The following RMDN2 variants were observed in gnomAD, a reference collection of about 807,000 sequenced individuals.
The protein encoded by RMDN2 is regulator of microtubule dynamics protein 2.
RMDN2 carries 61 observed loss-of-function variants against 52.8 expected under a neutral mutation model. The ratio of observed to expected loss-of-function variants is 1.16; its 90% confidence interval spans 0.94 to 1.43. RMDN2 has a LOEUF of 1.43. RMDN2 is among the 40% of genes most tolerant of loss of function. The pLI is 0.00. For synonymous variants in RMDN2, 180 were observed against 153.1 expected (o/e 1.18, Z -1.30); for missense variants, 592 against 475.3 (o/e 1.25, Z -2.28).
chr2:37,949,818 G>T (rs1367138414), intron 2 of RMDN2: 1 of 153,110 alleles, frequency 6.5e-6, no homozygotes, highest in Non-Finnish European at 1.5e-5. Flanking sequence ...TACCTGTTAT[G>T]GGGACAATAG....
intron 10 of RMDN2, among the ~76,000 whole-genome samples, chr2:38,014,144 AG>A (rs1678404371): frequency 6.6e-6 from 1 of 152,090 alleles, no homozygotes; most frequent in Admixed American, 6.5e-5. Flanking sequence ...CCTGGGAGGC[AG>A]AGGTTGTGGT....
chr2:37,956,048 G>A (rs902236542), intron 2 of RMDN2, among the ~76,000 whole-genome samples: 5 of 152,092 alleles, frequency 3.3e-5, no homozygotes, highest in African/African-American at 1.2e-4. Flanking sequence ...TGATATCAGG[G>A]TAATGCTGAC....
intron 10 of RMDN2, among the ~76,000 whole-genome samples, chr2:38,065,217 T>C: frequency 6.6e-6 from 1 of 152,078 alleles, no homozygotes; most frequent in Non-Finnish European, 1.5e-5. Context: ...AGCAACAGGA[T>C]GAGATATGTA....
intron 2 of RMDN2, among the ~76,000 whole-genome samples, chr2:37,948,175 C>T (rs1410054816): frequency 6.6e-6 from 1 of 152,132 alleles, no homozygotes; most frequent in East Asian, 1.9e-4. Context: ...AGGACATACC[C>T]CGGACCTAGC....
At chr2:37,934,209 A>G (rs936145646) in intron 2 of RMDN2, among the ~76,000 whole-genome samples, 4 of 152,236 alleles carry the variant, frequency 2.6e-5, no homozygotes, top group African/African-American at 9.7e-5. Flanking sequence ...AAAATATCTA[A>G]TTATATCCTT....
chr2:37,952,459 G>T (rs1226600676), intron 2 of RMDN2: 1 of 478,672 alleles, frequency 2.1e-6, no homozygotes, highest in Non-Finnish European at 3.7e-6. Context: ...GCTTAAAGAT[G>T]GGCTAATCTC....
At chr2:38,048,073 G>C (rs971942511) in intron 10 of RMDN2, among the ~76,000 whole-genome samples, 1 of 152,318 alleles carries the variant, frequency 6.6e-6, no homozygotes, top group Admixed American at 6.5e-5. Flanking sequence ...TGAAATCAAA[G>C]TTTCAGATCT....
In RMDN2 at chr2:37,997,073, A is replaced by G. The variant is rs1297703341; in HGVS notation, c.946-343A>G. On this transcript the variant is annotated intron_variant, in intron 7 of 10. Coordinates refer to ENST00000354545, the MANE Select transcript of RMDN2 (RefSeq NM_001170791.3). ...TAGTTACCTCAGAATCCAGAATCAG[A>G]TGAACAAACGGGATCAGCATTATTT... Among the ~76,000 whole-genome samples, 10 of 152,274 alleles carry G rather than the reference A, an allele frequency of 6.6e-5. No individual in the cohort carries two copies. In the East Asian group the frequency reaches 1.9e-3, roughly 29 times the overall value.
intron 2 of RMDN2, among the ~76,000 whole-genome samples, chr2:37,953,889 C>G (rs1039989825): frequency 1.3e-5 from 2 of 151,904 alleles, no homozygotes; most frequent in African/African-American, 4.8e-5. Context: ...TAGTAGCCAT[C>G]CTAATGGGTA....
intron 10 of RMDN2, among the ~76,000 whole-genome samples, chr2:38,056,126 G>C (rs543813882): frequency 1.9e-4 from 29 of 152,276 alleles, no homozygotes; most frequent in Admixed American, 3.9e-4. Flanking sequence ...GAGCACATAG[G>C]ACGGGGCAGC....
At chr2:38,032,333 AT>A (rs1301537338) in intron 10 of RMDN2, among the ~76,000 whole-genome samples, 1 of 152,140 alleles carries the variant, frequency 6.6e-6, no homozygotes, top group East Asian at 1.9e-4. Context: ...ACAATACCAT[AT>A]TAATGGAATC....
At chr2:37,925,676 T>C (rs6544115) in intron 1 of RMDN2, among the ~76,000 whole-genome samples, 51,885 of 152,054 alleles carry the variant, frequency 0.34, 9,432 homozygotes, top group African/African-American at 0.48. Flanking sequence ...CGGAGGTCGC[T>C]GGTATTTCCT....
In RMDN2 at chr2:37,961,096, A is replaced by T. The variant is rs143656456; in HGVS notation, c.453-12944A>T. Among the ~76,000 whole-genome samples, 140 of 152,108 alleles carry T rather than the reference A, an allele frequency of 9.2e-4. 2 individuals carry two copies. In the East Asian group the frequency reaches 0.023, roughly 25 times the overall value. ...TGGGCTTCCCTTTGTTGGTAACCTG[A>T]CCTTTCTCTCTGGCTGCCCTTAACA... On this transcript the variant is annotated intron_variant, in intron 2 of 10. Transcript: ENST00000354545.
At chr2:38,065,869 C>A (rs577771979) in intron 10 of RMDN2, among the ~76,000 whole-genome samples, 1 of 152,300 alleles carries the variant, frequency 6.6e-6, no homozygotes, top group East Asian at 1.9e-4. Context: ...GGGCTTTTCT[C>A]AGAAGAGAGC....
chr2:38,043,699 T>C (rs1681101554), intron 10 of RMDN2, among the ~76,000 whole-genome samples: 1 of 152,130 alleles, frequency 6.6e-6, no homozygotes, highest in South Asian at 2.1e-4. Flanking sequence ...GCAAAATACA[T>C]TTGCAAGTAG....
chr2:37,982,516 C>G (rs915513784), intron 5 of RMDN2, among the ~76,000 whole-genome samples: 1 of 152,194 alleles, frequency 6.6e-6, no homozygotes, highest in African/African-American at 2.4e-5. Flanking sequence ...CTCCCAGTCT[C>G]TTCCTCCCTC....
At chr2:37,976,023 TCTTA>T (rs1672418744) in intron 4 of RMDN2, among the ~76,000 whole-genome samples, 1 of 152,206 alleles carries the variant, frequency 6.6e-6, no homozygotes, top group Non-Finnish European at 1.5e-5. Flanking sequence ...AAGTAACACA[TCTTA>T]CTTCCTGTAA....
chr2:38,008,683 T>A (rs1435127606), intron 10 of RMDN2, among the ~76,000 whole-genome samples: 6 of 152,130 alleles, frequency 3.9e-5, no homozygotes, highest in Non-Finnish European at 8.8e-5. Context: ...GTGTCTTAGT[T>A]GGAGCATTTA....
intron 7 of RMDN2, among the ~76,000 whole-genome samples, chr2:37,992,498 A>T (rs561800789): frequency 6.6e-6 from 1 of 152,328 alleles, no homozygotes; most frequent in East Asian, 1.9e-4. Context: ...CTAAGTTTGT[A>T]TTACCTTCCA....
Sources: gnomAD v4.1 joint callset for allele counts (sites outside exome capture counted in the v4.1 genomes callset) on GRCh38, gnomAD v4.1.1 for gene constraint, MANE v1.5 for transcripts, NCBI Gene and HGNC (gene_info 2026-07-23, HGNC 2026-07-21) for gene names.